Variants in AMN1 observed in about 807,000 individuals in gnomAD.
The protein encoded by AMN1 is protein AMN1 homolog.
Under a neutral mutation model 33.0 loss-of-function variants are expected in AMN1, and 20 were observed. That is an observed-to-expected ratio of 0.61 (90% confidence interval 0.43 to 0.88). The LOEUF (loss-of-function observed/expected upper bound fraction) is 0.88, where lower values mean the gene tolerates loss of function less well. Ranked by LOEUF, AMN1 falls within the 40% of genes least tolerant of loss-of-function variation. The probability of loss-of-function intolerance (pLI) is 0.00; values close to 1 mark genes in which losing one functional copy is unlikely to be tolerated. For missense variants in AMN1, 246 were observed against 307.4 expected (o/e 0.80, Z 1.49); for synonymous variants, 114 against 111.9 (o/e 1.02, Z -0.12).
At chr12:31,700,594 T>C (rs903118106) in intron 3 of AMN1, among the ~76,000 whole-genome samples, 6 of 152,144 alleles carry the variant, frequency 3.9e-5, no homozygotes, top group Admixed American at 1.3e-4. Context: ...CTTAACAAAA[T>C]ATGAACTGGT....
intron 2 of AMN1, among the ~76,000 whole-genome samples, chr12:31,707,218 GTACTA>G (rs1565776982): frequency 1.3e-5 from 2 of 152,042 alleles, no homozygotes. Context: ...AGACCAAAAT[GTACTA>G]TACATTATAC....
chr12:31,709,320 T>A lies in AMN1; in HGVS notation c.144A>T (p.Gly48=). The A allele has an allele frequency of 6.2e-7, 1 of 1,613,876 alleles. No homozygotes were observed. The highest frequency in any genetic ancestry group is 8.5e-7 in the Non-Finnish European group (1 of 1,179,790). ...DRLIKIMSMQ[G]QITDSNISEI... ...CACTTATATTTGAATCTGTTATCTGTCCCTGCATACTCATTATTTTAATCA... is the reference window on the plus strand; with the variant it reads ...CACTTATATTTGAATCTGTTATCTGACCCTGCATACTCATTATTTTAATCA... The change falls in exon 2 of 7, where the codon GGA becomes GGT. Residue 48 remains glycine (G), a synonymous_variant. Coordinates refer to ENST00000281471, the MANE Select transcript of AMN1 (RefSeq NM_001113402.2).
At chr12:31,708,665 T>C in intron 2 of AMN1, 1 of 159,648 alleles carries the variant, frequency 6.3e-6, no homozygotes, top group African/African-American at 2.4e-5. Flanking sequence ...GTGGCTCAGG[T>C]GGGCATCACA....
Position 31,697,847 on chromosome 12 carries a change from G to A in AMN1, c.427C>T (p.Leu143=). The A allele has an allele frequency of 1.2e-6, 2 of 1,614,028 alleles. No individual in the cohort carries two copies. The change falls in exon 4 of 7, where the codon CTA becomes TTA. Residue 143 remains leucine (L), a synonymous_variant. Transcript: ENST00000281471. Reference sequence around the variant, plus strand: ...CAGCCACCTAAATCGATGATCTTTAGCAGCTGGCAATTGAGTGCAAGAGCA... The same window carrying A: ...CAGCCACCTAAATCGATGATCTTTAACAGCTGGCAATTGAGTGCAAGAGCA... The part of the protein sequence containing the change: ...VVALALNCQL[L]KIIDLGGCLS...
Position 31,721,708 on chromosome 12 carries a change from C to A in AMN1, c.38+7263G>T, listed in dbSNP as rs547244118. ...TTTTTACTGACTCTTGGGCTGTTGA[C>A]AATGTTACCTGGTCTGCCACTTGGA... On this transcript the variant is annotated intron_variant, in intron 1 of 6. Transcript: ENST00000281471. 7.3e-4 allele frequency among the ~76,000 whole-genome samples: 111 copies of A among 152,152 alleles called. 1 individual carries two copies. Among genetic ancestry groups the A allele is most frequent in the Non-Finnish European group, 1.5e-3 (101 of 68,038 alleles).
chr12:31,728,952 C>T lies in AMN1; in HGVS notation c.38+19G>A. 2 of 1,539,706 alleles carry T rather than the reference C, an allele frequency of 1.3e-6. No individual in the cohort carries two copies. Among genetic ancestry groups the T allele is most frequent in the Non-Finnish European group, 1.8e-6 (2 of 1,139,174 alleles). On this transcript the variant is annotated intron_variant, in intron 1 of 6. Transcript: ENST00000281471. ...GGTGCTGGGGCGGCGCGAAGGGAGGCGGGACAGGGTAGACTCACAGATCCA... is the reference window on the plus strand; with the variant it reads ...GGTGCTGGGGCGGCGCGAAGGGAGGTGGGACAGGGTAGACTCACAGATCCA...
intron 1 of AMN1, among the ~76,000 whole-genome samples, chr12:31,723,301 G>A (rs1273522608): frequency 1.3e-5 from 2 of 152,102 alleles, no homozygotes; most frequent in Admixed American, 6.5e-5. Context: ...TGGTTTCATG[G>A]TTTCAGTCTG....
Position 31,671,160 on chromosome 12 carries a change from T to A in AMN1, c.*1144A>T, listed in dbSNP as rs1187652989. ...GATTGACTTGGTTAAATATTCAGTA[T>A]TAAATTTTATTGAATTTGTCTTTAG... On this transcript the variant is annotated 3_prime_UTR_variant, in exon 7 of 7. Coordinates refer to ENST00000281471, the MANE Select transcript of AMN1 (RefSeq NM_001113402.2). The A allele has an allele frequency of 6.6e-6, 1 of 152,244 alleles. No homozygotes were observed. Among genetic ancestry groups the A allele is most frequent in the Non-Finnish European group, 1.5e-5 (1 of 68,040 alleles). 9.4% of individuals were successfully genotyped at this position (152,244 alleles called of 1,614,324 possible).
At chr12:31,697,312 G>C (rs1276152337) in intron 5 of AMN1, 49 bp downstream of exon 5, 1 of 1,505,756 alleles carries the variant, frequency 6.6e-7, no homozygotes, top group Non-Finnish European at 9.2e-7. Context: ...TAATTTCTAA[G>C]AATATAAAAA....
At chr12:31,698,174 C>A (rs1011937614) in intron 3 of AMN1, among the ~76,000 whole-genome samples, 2 of 152,150 alleles carry the variant, frequency 1.3e-5, no homozygotes, top group Non-Finnish European at 2.9e-5. Flanking sequence ...GTAGTATCTG[C>A]AATTAATGGC....
chr12:31,699,193 G>T (rs78369204), intron 3 of AMN1, among the ~76,000 whole-genome samples: 9,300 of 151,562 alleles, frequency 0.061, 616 homozygotes, highest in East Asian at 0.17. Context: ...GAGTTTGAGA[G>T]CAGCCTGGCC....
chr12:31,723,237 C>T (rs552431599), intron 1 of AMN1, among the ~76,000 whole-genome samples: 27 of 152,236 alleles, frequency 1.8e-4, no homozygotes, highest in African/African-American at 6.3e-4. Flanking sequence ...CACACACACA[C>T]CACCCCTGGG....
At chr12:31,711,708 GT>G (rs1436901629) in intron 1 of AMN1, among the ~76,000 whole-genome samples, 2 of 152,074 alleles carry the variant, frequency 1.3e-5, no homozygotes, top group Admixed American at 6.5e-5. Flanking sequence ...TTTATCTTTT[GT>G]TTATGCTAGG....
chr12:31,695,487 C>CTTTCTTTTTTT (rs59342673), intron 5 of AMN1, among the ~76,000 whole-genome samples: 1 of 130,690 alleles, frequency 7.7e-6, no homozygotes. Flanking sequence ...TTCTTTCTTT[C>CTTTCTTTTTTT]TTTTTTTTTT....
chr12:31,719,716 G>A (rs531088125), intron 1 of AMN1, among the ~76,000 whole-genome samples: 23 of 152,168 alleles, frequency 1.5e-4, no homozygotes, highest in Admixed American at 5.9e-4. Context: ...AGCTAAAGAT[G>A]TATAGATCCT....
rs57266162 is a variant in AMN1, at chr12:31,722,130, G to GACACACACACAC, written c.38+6829_38+6840dup. 4.7e-3 allele frequency among the ~76,000 whole-genome samples: 683 copies of GACACACACACAC among 144,046 alleles called. 14 individuals are homozygous for GACACACACACAC. Among genetic ancestry groups the GACACACACACAC allele is most frequent in the African/African-American group, 0.015 (581 of 38,186 alleles). 94.5% of individuals were successfully genotyped at this position (144,046 alleles called of 152,430 possible). A position where few individuals can be genotyped will look rare whatever the true frequency, so the allele number is the denominator to read the frequency against. ...GACAAGTTGACTATATCAGGCCTTT[G>GACACACACACAC]ACACACACACACACACACACACACA... On this transcript the variant is annotated intron_variant, in intron 1 of 6. Transcript: ENST00000281471.
chr12:31,695,545 C>T (rs1004302676), intron 5 of AMN1, among the ~76,000 whole-genome samples: 6 of 146,686 alleles, frequency 4.1e-5, no homozygotes, highest in South Asian at 2.1e-4. Flanking sequence ...AATGCAATAG[C>T]GCAGTCTCGG....
At chr12:31,681,308 A>C (rs1938002364) in intron 6 of AMN1, among the ~76,000 whole-genome samples, 1 of 152,110 alleles carries the variant, frequency 6.6e-6, no homozygotes, top group South Asian at 2.1e-4. Flanking sequence ...GGCTCACTGC[A>C]ACCTCTGCCT....
At chr12:31,697,978 A>G (rs1938810804) in intron 3 of AMN1, 21 bp from the exon 4 acceptor site, 3 of 1,607,450 alleles carry the variant, frequency 1.9e-6, no homozygotes, top group African/African-American at 1.3e-5. Context: ...ATATAATTAT[A>G]TATCAATGAG....
Sources: gnomAD v4.1 joint callset for allele counts (sites outside exome capture counted in the v4.1 genomes callset) on GRCh38, gnomAD v4.1.1 for gene constraint, MANE v1.5 for transcripts, NCBI Gene and HGNC (gene_info 2026-07-23, HGNC 2026-07-21) for gene names.